CREB5: variants seen among roughly 807,000 people sequenced by gnomAD.
CREB5 encodes cAMP responsive element binding protein 5, also known as cyclic AMP-responsive element-binding protein 5.
In CREB5, 19 loss-of-function variants were observed where a neutral mutation model predicts 57.1. The observed-to-expected ratio is 0.33, with a 90% CI of 0.23 to 0.49. The LOEUF (loss-of-function observed/expected upper bound fraction) is 0.49, where lower values mean the gene tolerates loss of function less well. Among genes scored for constraint, CREB5 ranks in the 20% least tolerant of loss-of-function variants. The pLI is 0.99. For missense variants in CREB5, 579 were observed against 671.6 expected (o/e 0.86, Z 1.52); for synonymous variants, 238 against 238.3 (o/e 1.00, Z 0.01).
At chr7:28,375,615 G>T (rs1786807854) in intron 1 of CREB5, among the ~76,000 whole-genome samples, 1 of 151,726 alleles carries the variant, frequency 6.6e-6, no homozygotes, top group East Asian at 1.9e-4. Flanking sequence ...AAAAAAAACA[G>T]ATTTCTTCAG....
In CREB5 at chr7:28,507,674, C is replaced by T. The variant is rs991847862; in HGVS notation, c.228C>T (p.Ser76=). 32 of 1,612,388 alleles carry T rather than the reference C, an allele frequency of 2.0e-5. No homozygotes were observed. The highest frequency in any genetic ancestry group is 2.5e-5 in the Non-Finnish European group (29 of 1,178,820). ...LKNCEEVGLF[S]ELDCSLEHEF... is the part of the protein sequence containing the mutation. ...ACTGCGAGGAGGTGGGCCTCTTCAG[C>T]GAGCTGGACTGCTCCCTGGAGCACG... Residue 76 remains serine (S), a synonymous_variant, in exon 4 of 11, where the codon AGC becomes AGT. Transcript: ENST00000357727.
chr7:28,703,152 C>CA (rs1801947852), intron 5 of CREB5, among the ~76,000 whole-genome samples: 1 of 152,260 alleles, frequency 6.6e-6, no homozygotes, highest in African/African-American at 2.4e-5. Flanking sequence ...GGCTACAAGA[C>CA]AGAGTTTGGA....
intron 4 of CREB5, among the ~76,000 whole-genome samples, chr7:28,566,219 A>G (rs1048155218): frequency 1.1e-4 from 16 of 152,196 alleles, no homozygotes; most frequent in African/African-American, 3.9e-4. Flanking sequence ...TTATGTTAGC[A>G]TTTTTGGAGG....
intron 7 of CREB5, among the ~76,000 whole-genome samples, chr7:28,752,411 C>T (rs1196751941): frequency 6.6e-6 from 1 of 152,202 alleles, no homozygotes. Context: ...AAGTGGCCCA[C>T]CTGCCTCAGC....
At chr7:28,373,471 C>T (rs1406061483) in intron 1 of CREB5, among the ~76,000 whole-genome samples, 1 of 145,066 alleles carries the variant, frequency 6.9e-6, no homozygotes, top group East Asian at 2.0e-4. Flanking sequence ...GACAGAGTCT[C>T]ACTCTGTTGC....
At chr7:28,571,658 T>A (rs1313491346) in intron 5 of CREB5, among the ~76,000 whole-genome samples, 1 of 152,184 alleles carries the variant, frequency 6.6e-6, no homozygotes, top group African/African-American at 2.4e-5. Flanking sequence ...GGTCTGAGGA[T>A]CCGCAGCGTG....
chr7:28,389,363 TAAC>T (rs1430224258), intron 1 of CREB5, among the ~76,000 whole-genome samples: 6 of 152,168 alleles, frequency 3.9e-5, no homozygotes, highest in Admixed American at 6.5e-5. Flanking sequence ...GACCCAGTGT[TAAC>T]AAACCAACAA....
chr7:28,453,134 A>T (rs531764968), intron 1 of CREB5, among the ~76,000 whole-genome samples: 1 of 152,328 alleles, frequency 6.6e-6, no homozygotes, highest in Admixed American at 6.5e-5. Flanking sequence ...ATATCTTAAA[A>T]TCATGCAAAA....
intron 5 of CREB5, among the ~76,000 whole-genome samples, chr7:28,716,341 A>G (rs1201226194): frequency 6.6e-6 from 1 of 152,220 alleles, no homozygotes; most frequent in Non-Finnish European, 1.5e-5. Context: ...GCAAACCAAC[A>G]TAATAAAAAG....
chr7:28,515,083 C>A (rs1187374771), intron 4 of CREB5, among the ~76,000 whole-genome samples: 1 of 152,148 alleles, frequency 6.6e-6, no homozygotes, highest in East Asian at 1.9e-4. Context: ...ATTCATAAAG[C>A]ATATTCATGT....
At chr7:28,777,502 T>C (rs1806728621) in intron 7 of CREB5, among the ~76,000 whole-genome samples, 1 of 152,212 alleles carries the variant, frequency 6.6e-6, no homozygotes, top group Non-Finnish European at 1.5e-5. Flanking sequence ...TCTAAAAATA[T>C]AGAAGCCTTG....
At chr7:28,687,132 G>C (rs949365088) in intron 5 of CREB5, among the ~76,000 whole-genome samples, 5 of 152,162 alleles carry the variant, frequency 3.3e-5, no homozygotes, top group African/African-American at 1.2e-4. Context: ...ATCCTCAAAA[G>C]TAGTTATAGC....
At chr7:28,405,830 A>G (rs1373104011) in intron 1 of CREB5, among the ~76,000 whole-genome samples, 1 of 152,084 alleles carries the variant, frequency 6.6e-6, no homozygotes, top group East Asian at 1.9e-4. Flanking sequence ...AATTCATTAA[A>G]CTAGAGTCAC....
chr7:28,402,597 G>A (rs1236353051), intron 1 of CREB5, among the ~76,000 whole-genome samples: 1 of 152,156 alleles, frequency 6.6e-6, no homozygotes. Flanking sequence ...TTAATAAATG[G>A]TGCTGGGAAA....
At chr7:28,411,128 C>G (rs2286841), upstream of CREB5, among the ~76,000 whole-genome samples, 1 of 152,096 alleles carries the variant, frequency 6.6e-6, no homozygotes, top group East Asian at 1.9e-4. Flanking sequence ...TCCTCTAGGG[C>G]GAAAATGCTT....
chr7:28,625,978 C>T (rs761800948), intron 5 of CREB5, among the ~76,000 whole-genome samples: 2 of 152,184 alleles, frequency 1.3e-5, no homozygotes, highest in Non-Finnish European at 2.9e-5. Context: ...TGCTTTTCTT[C>T]AACTAATTTC....
At chr7:28,312,540 C>T (rs113139398) in intron 1 of CREB5, among the ~76,000 whole-genome samples, 50 of 152,228 alleles carry the variant, frequency 3.3e-4, no homozygotes, top group Admixed American at 2.2e-3. Flanking sequence ...GGCGAAGGAA[C>T]GTGGGTGCTG....
At position 28,725,322 on chromosome 7, in the gene CREB5, C is replaced by T. The variant is rs552492449; in HGVS notation, c.702+990C>T. The stretch of plus-strand genomic sequence containing the variant: ...TTTTCAATGTCAGCAAGAGTTTTCT[C>T]ATGCCTGCTTTGGTCACTTTCTCTT... On this transcript the variant is annotated intron_variant, in intron 7 of 10. Coordinates refer to ENST00000357727, the MANE Select transcript of CREB5 (RefSeq NM_182898.4). 2.6e-5 allele frequency among the ~76,000 whole-genome samples: 4 copies of T among 152,328 alleles called. No homozygotes were observed. The East Asian group carries it at 7.7e-4, about 29-fold the overall frequency.
chr7:28,498,077 T>TC (rs1792126145), intron 3 of CREB5, among the ~76,000 whole-genome samples: 1 of 152,194 alleles, frequency 6.6e-6, no homozygotes. Context: ...TACTTTTTTT[T>TC]CTTAAAAGAT....
Sources: allele counts gnomAD v4.1 joint callset (sites outside exome capture counted in the v4.1 genomes callset), GRCh38; gene constraint gnomAD v4.1.1; transcripts MANE v1.5; gene names NCBI Gene and HGNC (gene_info 2026-07-23, HGNC 2026-07-21).